MAK: variants seen among roughly 807,000 people sequenced by gnomAD.
The protein encoded by MAK is male germ cell associated kinase, also known as serine/threonine-protein kinase MAK.
In MAK, 65 loss-of-function variants were observed where a neutral mutation model predicts 82.6. That is an observed-to-expected ratio of 0.79 (90% CI 0.64 to 0.97). The LOEUF (loss-of-function observed/expected upper bound fraction) is 0.97, where lower values mean the gene tolerates loss of function less well. Ranked by LOEUF, MAK falls within the 50% of genes least tolerant of loss-of-function variation. The pLI is 0.00. For missense variants in MAK, 703 were observed against 780.2 expected (o/e 0.90, Z 1.18); for synonymous variants, 250 against 274.2 (o/e 0.91, Z 0.87).
chr6:10,818,933 T>C lies in MAK; in HGVS notation c.109A>G (p.Arg37Gly), dbSNP rs755003228. Residue 37 changes from arginine to glycine, a missense_variant, in exon 3 of 15, where the codon AGA becomes GGA. Arg to Gly is a moderately radical substitution (Grantham distance 125). Transcript: ENST00000354489. ...CATTCATCCCAAGAATAGAACTTTCTCTTCATCCTAAAATAAATTAGGGAA... is the reference window on the plus strand; with the variant it reads ...CATTCATCCCAAGAATAGAACTTTCCCTTCATCCTAAAATAAATTAGGGAA... ...GELVAIKRMKRKFYSWDECMN... is the reference protein window; with the variant it reads ...GELVAIKRMKGKFYSWDECMN... 1.3e-6 allele frequency: 2 copies of C among 1,567,834 alleles called. No individual in the cohort carries two copies. The highest frequency in any genetic ancestry group is 1.4e-5 in the African/African-American group (1 of 74,054).
chr6:10,767,456 A>G (rs931845585), intron 14 of MAK, among the ~76,000 whole-genome samples: 2 of 152,166 alleles, frequency 1.3e-5, no homozygotes, highest in East Asian at 3.9e-4. Flanking sequence ...ATAAGGAAGT[A>G]TTAGGGGAAG....
At chr6:10,779,252 T>C (rs547772776) in intron 11 of MAK, 22 of 835,822 alleles carry the variant, frequency 2.6e-5, no homozygotes, top group African/African-American at 1.5e-4. Flanking sequence ...CAGAGGGCAC[T>C]GCTGAGAGAT....
intron 5 of MAK, among the ~76,000 whole-genome samples, chr6:10,813,037 G>T (rs1777081254): frequency 7.9e-6 from 1 of 127,112 alleles, no homozygotes; most frequent in Admixed American, 8.9e-5. Context: ...CCAAAGTGCT[G>T]GGATTACAGG....
chr6:10,790,416 C>CA (rs71550732), intron 10 of MAK, among the ~76,000 whole-genome samples: 20,508 of 145,962 alleles, frequency 0.14, 1,933 homozygotes, highest in Non-Finnish European at 0.21. Flanking sequence ...AAGAGGAAAA[C>CA]AAAAAAAAAA....
At chr6:10,802,818 A>G (rs1370778549) in intron 7 of MAK, among the ~76,000 whole-genome samples, 1 of 152,220 alleles carries the variant, frequency 6.6e-6, no homozygotes, top group Non-Finnish European at 1.5e-5. Context: ...TTTAATATCT[A>G]CATTTACTTG....
rs572518309 is a variant in MAK, at chr6:10,821,892, A to G, written c.102-2952T>C. 5.3e-5 allele frequency among the ~76,000 whole-genome samples: 8 copies of G among 151,320 alleles called. No individual in the cohort carries two copies. In the South Asian group the frequency reaches 1.7e-3, roughly 32 times the overall value. On this transcript the variant is annotated intron_variant, in intron 2 of 14. Transcript: ENST00000354489. ...GCCGGGCACGGTGGCTCACACCTGT[A>G]ATCCCAGCACTTTGGGAGGCCAAGG...
chr6:10,826,250 C>T (rs571238999), intron 2 of MAK, among the ~76,000 whole-genome samples: 1 of 151,778 alleles, frequency 6.6e-6, no homozygotes, highest in Non-Finnish European at 1.5e-5. Flanking sequence ...CCCCACCCCC[C>T]CTTTTAAAAA....
At chr6:10,820,892 T>A (rs1777892799) in intron 2 of MAK, among the ~76,000 whole-genome samples, 2 of 152,234 alleles carry the variant, frequency 1.3e-5, no homozygotes, top group Admixed American at 1.3e-4. Flanking sequence ...AAAAGTTGAT[T>A]AATAAAATGA....
At chr6:10,772,763 A>C in intron 13 of MAK, among the ~76,000 whole-genome samples, 1 of 152,214 alleles carries the variant, frequency 6.6e-6, no homozygotes, top group Non-Finnish European at 1.5e-5. Context: ...TTTCATTAGA[A>C]TTATTTGCTT....
chr6:10,768,804 C>T (rs749705707), intron 14 of MAK, among the ~76,000 whole-genome samples: 1 of 152,190 alleles, frequency 6.6e-6, no homozygotes, highest in African/African-American at 2.4e-5. Flanking sequence ...AGGCTTTATA[C>T]ATTTTTAGCT....
At chr6:10,813,124 ATATATATATAAATTTTTTTTT>A (rs1777148291) in intron 5 of MAK, among the ~76,000 whole-genome samples, 6 of 818 alleles carry the variant, frequency 7.3e-3, no homozygotes, top group African/African-American at 0.028. Flanking sequence ...ATATATATAT[ATATATATATAAATTTTTTTTT>A]TTTTTTTTTT....
At chr6:10,834,156 A>G (rs1411119381) in intron 1 of MAK, among the ~76,000 whole-genome samples, 1 of 152,006 alleles carries the variant, frequency 6.6e-6, no homozygotes, top group Admixed American at 6.6e-5. Context: ...ATTGCTGTAC[A>G]CTCTTTTCTA....
chr6:10,821,132 A>T (rs1413316028), intron 2 of MAK, among the ~76,000 whole-genome samples: 1 of 151,902 alleles, frequency 6.6e-6, no homozygotes, highest in Admixed American at 6.6e-5. Context: ...TATTTTTTGT[A>T]GAGATGGGGT....
rs1338746227 is a variant in MAK at position 10,763,144 on chromosome 6, G to A, written c.*1308C>T. On this transcript the variant is annotated 3_prime_UTR_variant, in exon 15 of 15. Coordinates refer to ENST00000354489, the MANE Select transcript of MAK (RefSeq NM_001242957.3). Reference sequence around the variant, plus strand: ...AAATACCAGTTTGGAAATAAACTAAGGAAATAATATATGTACTATGTGATA... The same window carrying A: ...AAATACCAGTTTGGAAATAAACTAAAGAAATAATATATGTACTATGTGATA... 6.6e-6 allele frequency: 1 copy of A among 152,630 alleles called. No individual in the cohort carries two copies. Among genetic ancestry groups the A allele is most frequent in the Non-Finnish European group, 1.5e-5 (1 of 68,038 alleles). The allele number at this position is 152,630 out of a possible 1,614,324, so 9.5% of individuals were successfully genotyped here.
intron 11 of MAK, among the ~76,000 whole-genome samples, chr6:10,781,380 C>T (rs139545128): frequency 6.6e-6 from 1 of 151,804 alleles, no homozygotes; most frequent in East Asian, 1.9e-4. Flanking sequence ...GAAAATTTGA[C>T]CTCGTGAGGA....
chr6:10,779,127 CAAAAAAAAA>C (rs918122203), intron 11 of MAK, among the ~76,000 whole-genome samples: 112 of 20,008 alleles, frequency 5.6e-3, no homozygotes, highest in African/African-American at 0.015. Context: ...CACTTCGTCT[CAAAAAAAAA>C]AAAAAAAAAA....
intron 2 of MAK, among the ~76,000 whole-genome samples, chr6:10,825,628 C>T (rs976280007): frequency 6.6e-6 from 1 of 151,964 alleles, no homozygotes; most frequent in African/African-American, 2.4e-5. Context: ...CAGCTTTACC[C>T]CTAAGCCTGT....
At chr6:10,791,087 C>T (rs940189268) in intron 10 of MAK, among the ~76,000 whole-genome samples, 1 of 152,044 alleles carries the variant, frequency 6.6e-6, no homozygotes, top group East Asian at 1.9e-4. Context: ...CATGGGCCAA[C>T]ACATTCTTTA....
In MAK at chr6:10,822,317, G is replaced by T. The variant is rs1385545442; in HGVS notation, c.102-3377C>A. ...AAAAATACAAAAATGAGCTGGGCAT[G>T]GTGGCGCATGCCTATAATCCCAGCT... On this transcript the variant is annotated intron_variant, in intron 2 of 14. Transcript: ENST00000354489. 2.0e-5 allele frequency among the ~76,000 whole-genome samples: 3 copies of T among 151,948 alleles called. 1 individual carries two copies. The highest frequency in any genetic ancestry group is 4.4e-5 in the Non-Finnish European group (3 of 68,002).
Sources: gnomAD v4.1 joint callset for allele counts (sites outside exome capture counted in the v4.1 genomes callset) on GRCh38, gnomAD v4.1.1 for gene constraint, MANE v1.5 for transcripts, NCBI Gene and HGNC (gene_info 2026-07-23, HGNC 2026-07-21) for gene names.